DLGAP2: variants seen among roughly 807,000 people sequenced by gnomAD.
DLGAP2 encodes the protein DLG associated protein 2, also known as disks large-associated protein 2.
Under a neutral mutation model 100.3 loss-of-function variants are expected in DLGAP2, and 26 were observed. The ratio of observed to expected loss-of-function variants is 0.26; its 90% CI spans 0.19 to 0.36. DLGAP2 has a LOEUF of 0.36. DLGAP2 is among the 10% of genes least tolerant of loss of function. DLGAP2 has a pLI of 1.00. For synonymous variants in DLGAP2, 886 were observed against 630.1 expected, an observed-to-expected ratio of 1.41 and a Z score of -6.08; for missense variants, 1,858 against 1,453.2, an observed-to-expected ratio of 1.28 and a Z score of -4.53.
intron 3 of DLGAP2, among the ~76,000 whole-genome samples, chr8:1,317,686 C>A (rs1455256678): frequency 7.6e-6 from 1 of 131,318 alleles, no homozygotes; most frequent in Non-Finnish European, 1.6e-5. Flanking sequence ...TGCAGCGTCT[C>A]TCCAACAGTG....
At position 1,438,784 on chromosome 8, in the gene DLGAP2, A is replaced by T. The variant is rs189246844; in HGVS notation, c.107-62582A>T. Reference sequence around the variant, plus strand: ...ATGGAGGCGGCAGCAGGCTCTAAAGATATGTTGCTGGTTGCTATGGAAACT... The same window carrying T: ...ATGGAGGCGGCAGCAGGCTCTAAAGTTATGTTGCTGGTTGCTATGGAAACT... On this transcript the variant is annotated intron_variant, in intron 3 of 14. Transcript: ENST00000637795. Among the ~76,000 whole-genome samples, 265 of 152,276 alleles carry T rather than the reference A, an allele frequency of 1.7e-3. 2 individuals carry two copies. Among genetic ancestry groups the T allele is most frequent in the Admixed American group, 4.0e-3 (61 of 15,292 alleles).
intron 5 of DLGAP2, among the ~76,000 whole-genome samples, chr8:1,554,301 T>TA (rs1801881922): frequency 9.5e-6 from 1 of 104,840 alleles, no homozygotes; most frequent in Non-Finnish European, 1.7e-5. Flanking sequence ...ATAAATAAAT[T>TA]AATTAAATAA....
chr8:768,559 G>A (rs1266348892), intron 1 of DLGAP2, among the ~76,000 whole-genome samples: 2 of 151,458 alleles, frequency 1.3e-5, no homozygotes, highest in Non-Finnish European at 2.9e-5. Context: ...CGAGTACCTG[G>A]GACTACAGGC....
intron 1 of DLGAP2, among the ~76,000 whole-genome samples, chr8:772,698 C>G (rs1441447765): frequency 6.6e-6 from 1 of 152,190 alleles, no homozygotes; most frequent in African/African-American, 2.4e-5. Flanking sequence ...CACTTGCAGC[C>G]CATCTCGACT....
In DLGAP2 at chr8:1,701,352, C is replaced by T. The variant is rs1166239828; in HGVS notation, c.3114C>T (p.Ser1038=). 2 of 1,593,166 alleles carry T rather than the reference C, an allele frequency of 1.3e-6. No homozygotes were observed. Among genetic ancestry groups the T allele is most frequent in the African/African-American group, 1.4e-5 (1 of 73,618 alleles). ...RAASFRQNSA[S]ERADSIEIYI... ...CGTCCTTCCGGCAGAATTCCGCCTC[C>T]GAGCGCGCGGACAGCATCGAGATCT... The change falls in exon 15 of 15, where the codon TCC becomes TCT. Residue 1038 remains serine, a synonymous_variant. Coordinates refer to ENST00000637795, the MANE Select transcript of DLGAP2 (RefSeq NM_001346810.2).
intron 3 of DLGAP2, among the ~76,000 whole-genome samples, chr8:1,435,639 C>T (rs548620279): frequency 6.6e-6 from 1 of 151,936 alleles, no homozygotes; most frequent in Admixed American, 6.6e-5. Flanking sequence ...TGCGCTCCTT[C>T]TGCTTGTGGA....
chr8:1,365,076 C>T (rs575918143), intron 3 of DLGAP2, among the ~76,000 whole-genome samples: 14 of 152,288 alleles, frequency 9.2e-5, no homozygotes, highest in Non-Finnish European at 1.9e-4. Context: ...AGAGAAACCC[C>T]GCAAGGACAC....
intron 2 of DLGAP2, among the ~76,000 whole-genome samples, chr8:926,095 G>A (rs534917544): frequency 2.6e-5 from 4 of 152,130 alleles, no homozygotes; most frequent in Non-Finnish European, 5.9e-5. Context: ...TCTGGGCCTC[G>A]CTGACTTGGG....
rs151060277 is a variant in DLGAP2, at chr8:805,592, A to C, written c.18+67767A>C. Reference sequence around the variant, plus strand: ...ACCACCTGTAGTTTCTAATGTTATAAAAGTATCCGTCCTATAATTTTTTTT... The same window carrying C: ...ACCACCTGTAGTTTCTAATGTTATACAAGTATCCGTCCTATAATTTTTTTT... On this transcript the variant is annotated intron_variant, in intron 1 of 14. Coordinates refer to ENST00000637795, the MANE Select transcript of DLGAP2 (RefSeq NM_001346810.2). Among the ~76,000 whole-genome samples, 98 of 152,288 alleles carry C rather than the reference A, an allele frequency of 6.4e-4. 1 individual carries two copies. The highest frequency in any genetic ancestry group is 1.7e-3 in the African/African-American group (69 of 41,552).
At chr8:845,264 G>A (rs144075810) in intron 1 of DLGAP2, among the ~76,000 whole-genome samples, 94 of 152,278 alleles carry the variant, frequency 6.2e-4, no homozygotes, top group African/African-American at 2.1e-3. Context: ...TCTGCCAGTC[G>A]TATAGGAGGG....
intron 2 of DLGAP2, among the ~76,000 whole-genome samples, chr8:979,825 AGG>A (rs1800277797): frequency 6.6e-6 from 1 of 152,252 alleles, no homozygotes; most frequent in Admixed American, 6.5e-5. Flanking sequence ...AAGTGAAAGA[AGG>A]GAAACATTTG....
chr8:1,116,562 A>T (rs1380598392), intron 2 of DLGAP2, among the ~76,000 whole-genome samples: 1 of 152,174 alleles, frequency 6.6e-6, no homozygotes, highest in African/African-American at 2.4e-5. Flanking sequence ...TAGGGAGGCC[A>T]ATGTGAGTGA....
At chr8:873,706 C>A (rs898345159) in intron 1 of DLGAP2, among the ~76,000 whole-genome samples, 1 of 151,988 alleles carries the variant, frequency 6.6e-6, no homozygotes, top group East Asian at 1.9e-4. Context: ...TTAGGAAGTA[C>A]CTGCTTTTTT....
intron 2 of DLGAP2, among the ~76,000 whole-genome samples, chr8:1,114,291 A>G (rs1263455212): frequency 6.6e-6 from 1 of 152,068 alleles, no homozygotes; most frequent in East Asian, 1.9e-4. Context: ...TCTGCTTTAT[A>G]CATCTGGTAG....
chr8:1,070,787 G>T (rs750969690), intron 2 of DLGAP2, among the ~76,000 whole-genome samples: 1 of 152,154 alleles, frequency 6.6e-6, no homozygotes, highest in Non-Finnish European at 1.5e-5. Flanking sequence ...AGAAGGACGC[G>T]CTGGCTTTTC....
intron 2 of DLGAP2, among the ~76,000 whole-genome samples, chr8:928,659 C>T (rs1403754210): frequency 1.3e-5 from 2 of 152,216 alleles, no homozygotes; most frequent in Middle Eastern, 3.4e-3. Context: ...TGATACTGGA[C>T]AGGTCCTCCT....
intron 2 of DLGAP2, among the ~76,000 whole-genome samples, chr8:1,152,606 C>T (rs1796715662): frequency 6.6e-6 from 1 of 152,230 alleles, no homozygotes; most frequent in East Asian, 1.9e-4. Context: ...GGGGGCCCAG[C>T]AGGGGAGGTT....
chr8:1,259,839 G>A (rs187735036), intron 3 of DLGAP2: 78 of 152,338 alleles, frequency 5.1e-4, no homozygotes, highest in African/African-American at 1.8e-3. Flanking sequence ...GAACTTCTAT[G>A]AAACACTTAA....
At chr8:1,506,213 G>C (rs995787678) in intron 4 of DLGAP2, among the ~76,000 whole-genome samples, 3 of 152,130 alleles carry the variant, frequency 2.0e-5, no homozygotes, top group Non-Finnish European at 1.5e-5. Context: ...TTCCCCTTGG[G>C]ATGTTTATTT....
Sources: allele counts gnomAD v4.1 joint callset (sites outside exome capture counted in the v4.1 genomes callset), GRCh38; gene constraint gnomAD v4.1.1; transcripts MANE v1.5; gene names NCBI Gene and HGNC (gene_info 2026-07-23, HGNC 2026-07-21).